The following SBSPON variants were observed in gnomAD, a reference collection of about 807,000 sequenced individuals.
The protein encoded by SBSPON is somatomedin-B and thrombospondin type-1 domain-containing protein.
In SBSPON, 30 loss-of-function variants were observed where a neutral mutation model predicts 35.8. That is an observed-to-expected ratio of 0.84 (90% CI 0.63 to 1.14). The LOEUF (loss-of-function observed/expected upper bound fraction) is 1.14, where lower values mean the gene tolerates loss of function less well. Among genes scored for constraint, SBSPON ranks in the 50% most tolerant of loss-of-function variants. SBSPON has a pLI of 0.00. For synonymous variants in SBSPON, 136 were observed against 135.9 expected (o/e 1.00, Z 0.00); for missense variants, 364 against 357.7 (o/e 1.02, Z -0.14).
In SBSPON at chr8:73,092,869, C is replaced by G. The variant is rs575015842; in HGVS notation, c.199G>C (p.Asp67His). 4 of 1,611,362 alleles carry G rather than the reference C, an allele frequency of 2.5e-6. No homozygotes were observed. In the Admixed American group the frequency reaches 6.7e-5, roughly 27 times the overall value. Reference protein sequence around the residue: ...RFTGDCCFDYDRACPARPCFV... With the variant: ...RFTGDCCFDYHRACPARPCFV... Reference sequence around the variant, plus strand: ...GACCACCCACCTGGGCACGCCCTGTCGTAGTCGAAGCAGCAGTCCCCGGTG... The same window carrying G: ...GACCACCCACCTGGGCACGCCCTGTGGTAGTCGAAGCAGCAGTCCCCGGTG... The change falls in exon 1 of 5, where the codon GAC becomes CAC. Residue 67 changes from aspartate (D) to histidine (H), a missense_variant. By Grantham distance (81) the Asp-to-His change is moderately conservative (BLOSUM62 -1). Coordinates refer to ENST00000297354, the MANE Select transcript of SBSPON (RefSeq NM_153225.4).
At position 73,067,589 on chromosome 8, in the gene SBSPON, C is replaced by CTATATATATATATATATA. The variant is rs1233223282; in HGVS notation, c.678-149_678-132dup. On this transcript the variant is annotated intron_variant, in intron 4 of 4. Transcript: ENST00000297354. Reference sequence around the variant, plus strand: ...GCAATATAGTGAAACCCCGTCTCTACTATATATATATATATATAGTTTTTT... The same window carrying CTATATATATATATATATA: ...GCAATATAGTGAAACCCCGTCTCTACTATATATATATATATATATATATATATATATATATAGTTTTTT... 37 of 104,260 alleles carry CTATATATATATATATATA rather than the reference C, an allele frequency of 3.5e-4. 2 individuals are homozygous for CTATATATATATATATATA. Among genetic ancestry groups the CTATATATATATATATATA allele is most frequent in the African/African-American group, 2.9e-3 (21 of 7,130 alleles). 6.5% of individuals were successfully genotyped at this position (104,260 alleles called of 1,614,324 possible).
intron 4 of SBSPON, among the ~76,000 whole-genome samples, chr8:73,067,973 T>C (rs1452318025): frequency 6.6e-6 from 1 of 151,974 alleles, no homozygotes; most frequent in East Asian, 2.0e-4. Context: ...CTGTATTTGC[T>C]TTTCCCGTTC....
At chr8:73,086,770 A>G (rs1015546661) in intron 1 of SBSPON, among the ~76,000 whole-genome samples, 2 of 152,222 alleles carry the variant, frequency 1.3e-5, no homozygotes, top group South Asian at 4.1e-4. Context: ...AGATATGAAT[A>G]AAAAAGATAA....
At chr8:73,080,930 T>C in intron 2 of SBSPON, 89 bp downstream of exon 2, 1 of 1,212,880 alleles carries the variant, frequency 8.2e-7, no homozygotes, top group Non-Finnish European at 1.1e-6. Context: ...CATGGAACCT[T>C]CCCTGCACAG....
At chr8:73,092,230 C>T (rs1420024063) in intron 1 of SBSPON, among the ~76,000 whole-genome samples, 2 of 152,174 alleles carry the variant, frequency 1.3e-5, no homozygotes, top group African/African-American at 2.4e-5. Flanking sequence ...TCATGCTGTA[C>T]AGAGAAAATT....
rs542598268 is a variant in SBSPON at position 73,065,167 on chromosome 8, A to T, written c.*2174T>A. 6.6e-6 allele frequency: 1 copy of T among 152,360 alleles called. No homozygotes were observed. Among genetic ancestry groups the T allele is most frequent in the Non-Finnish European group, 1.5e-5 (1 of 68,038 alleles). 9.4% of individuals were successfully genotyped at this position (152,360 alleles called of 1,614,324 possible). Reference sequence around the variant, plus strand: ...AAATTTTCTCAAGAATAGAAATAACAAAAATTTAACTTCAATAAGAAAGCA... The same window carrying T: ...AAATTTTCTCAAGAATAGAAATAACTAAAATTTAACTTCAATAAGAAAGCA... On this transcript the variant is annotated 3_prime_UTR_variant, in exon 5 of 5. Coordinates refer to ENST00000297354, the MANE Select transcript of SBSPON (RefSeq NM_153225.4).
chr8:73,068,099 GA>G (rs1304488548), intron 4 of SBSPON, among the ~76,000 whole-genome samples: 1 of 151,974 alleles, frequency 6.6e-6, no homozygotes, highest in African/African-American at 2.4e-5. Flanking sequence ...ATTTCATAAT[GA>G]AAAAACAATG....
chr8:73,078,559 G>A (rs191495153), intron 2 of SBSPON, among the ~76,000 whole-genome samples: 1 of 152,132 alleles, frequency 6.6e-6, no homozygotes. Context: ...TGAAGAGCCC[G>A]ATGTGCTGAA....
Position 73,065,348 on chromosome 8 carries a change from AG to A in SBSPON, c.*1992del, listed in dbSNP as rs1330168606. 2 of 152,202 alleles carry A rather than the reference AG, an allele frequency of 1.3e-5. No homozygotes were observed. The highest frequency in any genetic ancestry group is 2.4e-5 in the African/African-American group (1 of 41,458). 9.4% of individuals were successfully genotyped at this position (152,202 alleles called of 1,614,324 possible). On this transcript the variant is annotated 3_prime_UTR_variant, in exon 5 of 5. Coordinates refer to ENST00000297354, the MANE Select transcript of SBSPON (RefSeq NM_153225.4). ...TTGTACCTATACCTATCAGTTCTGA[AG>A]GATTTTTTTGTTTTATTTTTGGTGA... is the stretch of plus-strand genomic sequence containing the variant.
intron 1 of SBSPON, among the ~76,000 whole-genome samples, chr8:73,091,973 T>G (rs1810943954): frequency 6.6e-6 from 1 of 152,098 alleles, no homozygotes; most frequent in South Asian, 2.1e-4. Flanking sequence ...TTGGGGATGA[T>G]GTGATTAACA....
intron 1 of SBSPON, among the ~76,000 whole-genome samples, chr8:73,086,311 C>T: frequency 6.6e-6 from 1 of 152,034 alleles, no homozygotes; most frequent in East Asian, 1.9e-4. Flanking sequence ...TAGGAGCGCA[C>T]CTCCCTGCCT....
rs1276925721 is a variant in SBSPON, at chr8:73,073,808, AAAAAACAAAAAC to A, written c.410-1950_410-1939del. On this transcript the variant is annotated intron_variant, in intron 2 of 4. Transcript: ENST00000297354. ...AACAGAGTAAGACCATCTCAAAAAA[AAAAAACAAAAAC>A]AAAAACAAAAAAAAACAGACAAGAG... is the stretch of plus-strand genomic sequence containing the variant. 2.2e-4 allele frequency among the ~76,000 whole-genome samples: 33 copies of A among 152,188 alleles called. 1 individual carries two copies. The highest frequency in any genetic ancestry group is 1.7e-3 in the South Asian group (8 of 4,818).
In SBSPON at chr8:73,067,473, C is replaced by T. The variant is rs750680884; in HGVS notation, c.678-15G>A. 148 of 1,466,994 alleles carry T rather than the reference C, an allele frequency of 1.0e-4. 2 individuals are homozygous for T. Among genetic ancestry groups the T allele is most frequent in the South Asian group, 4.7e-4 (41 of 87,990 alleles). The allele number at this position is 1,466,994 out of a possible 1,614,324, so 90.9% of individuals were successfully genotyped here. On this transcript the variant is annotated splice_polypyrimidine_tract_variant and intron_variant, in intron 4 of 4. Coordinates refer to ENST00000297354, the MANE Select transcript of SBSPON (RefSeq NM_153225.4). ...GAGTCTGATTTCTGAAACGATATTT[C>T]GAAAGTGTTAGTTACACTAAAAGCA...
At chr8:73,072,228 A>C (rs1810505936) in intron 2 of SBSPON, among the ~76,000 whole-genome samples, 2 of 152,194 alleles carry the variant, frequency 1.3e-5, no homozygotes, top group South Asian at 4.1e-4. Context: ...AGGAGGTTTC[A>C]AAAATGAAAG....
Position 73,080,989 on chromosome 8 carries a change from C to G in SBSPON, c.409+30G>C, listed in dbSNP as rs1193846325. On this transcript the variant is annotated intron_variant, in intron 2 of 4. Transcript: ENST00000297354. ...GTGGTCAAAAAGTCATCACAGATAA[C>G]AAAGGCAGCAACCATGAAAACATCA... 2.0e-6 allele frequency: 3 copies of G among 1,521,514 alleles called. No homozygotes were observed. In the East Asian group the frequency reaches 7.0e-5, roughly 36 times the overall value. The allele number at this position is 1,521,514 out of a possible 1,614,324, so 94.3% of individuals were successfully genotyped here.
At position 73,069,797 on chromosome 8, in the gene SBSPON, A is replaced by G. The variant is rs2129986650; in HGVS notation, c.677+8T>C. The G allele has an allele frequency of 6.2e-7, 1 of 1,611,422 alleles. No homozygotes were observed. The highest frequency in any genetic ancestry group is 8.5e-7 in the Non-Finnish European group (1 of 1,177,528). ...AAGAAAAGTACTTCAGTTAATTTCC[A>G]TTCTTACCCATCGGAGTCCAGGCCA... On this transcript the variant is annotated splice_region_variant and intron_variant, in intron 4 of 4. Transcript: ENST00000297354.
chr8:73,072,688 A>C (rs2009097), intron 2 of SBSPON, among the ~76,000 whole-genome samples: 42,186 of 151,998 alleles, frequency 0.28, 6,804 homozygotes, highest in East Asian at 0.71. Flanking sequence ...AAGGCAGAAG[A>C]AGCAGAGGAG....
intron 1 of SBSPON, among the ~76,000 whole-genome samples, chr8:73,087,130 G>A (rs191242808): frequency 1.3e-5 from 2 of 152,314 alleles, no homozygotes; most frequent in Admixed American, 6.5e-5. Context: ...TGGTGTTTAT[G>A]TGGGGCCTAC....
chr8:73,083,762 C>A (rs1044576499), intron 1 of SBSPON: 2 of 152,342 alleles, frequency 1.3e-5, no homozygotes, highest in Non-Finnish European at 1.5e-5. Flanking sequence ...CACCTAGGAG[C>A]GGCATGGTGG....
Sources: allele counts gnomAD v4.1 joint callset (sites outside exome capture counted in the v4.1 genomes callset), GRCh38; gene constraint gnomAD v4.1.1; transcripts MANE v1.5; gene names NCBI Gene and HGNC (gene_info 2026-07-23, HGNC 2026-07-21).